SND1: variants seen among roughly 807,000 people sequenced by gnomAD.
SND1 encodes the protein staphylococcal nuclease and tudor domain containing 1.
In SND1, 38 loss-of-function variants were observed where a neutral mutation model predicts 121.7. That is an observed-to-expected ratio of 0.31 (90% CI 0.24 to 0.41). The LOEUF (loss-of-function observed/expected upper bound fraction) is 0.41, where lower values mean the gene tolerates loss of function less well. Among genes scored for constraint, SND1 ranks in the 10% least tolerant of loss-of-function variants. SND1 has a pLI of 1.00. For synonymous variants in SND1, 401 were observed against 447.4 expected (o/e 0.90, Z 1.31); for missense variants, 868 against 1,184.6 (o/e 0.73, Z 3.92).
At chr7:127,728,447 T>C (rs1334291753) in intron 10 of SND1, among the ~76,000 whole-genome samples, 1 of 152,248 alleles carries the variant, frequency 6.6e-6, no homozygotes, top group Non-Finnish European at 1.5e-5. Context: ...GCTTCCAGAG[T>C]TGTCAGCACC....
At chr7:128,022,143 T>A (rs761423831) in intron 16 of SND1, among the ~76,000 whole-genome samples, 9 of 137,514 alleles carry the variant, frequency 6.5e-5, no homozygotes, top group Non-Finnish European at 1.2e-4. Flanking sequence ...AGGCGGAGGT[T>A]GCAGTGAGCC....
At chr7:127,952,110 G>A (rs1205885254) in intron 15 of SND1, among the ~76,000 whole-genome samples, 2 of 152,120 alleles carry the variant, frequency 1.3e-5, no homozygotes, top group African/African-American at 4.8e-5. Context: ...TGAAGTTTTT[G>A]TGTTGCTTGT....
At chr7:127,891,302 A>G (rs1800005538) in intron 13 of SND1, among the ~76,000 whole-genome samples, 2 of 152,080 alleles carry the variant, frequency 1.3e-5, no homozygotes, top group African/African-American at 4.8e-5. Context: ...TGGCACAATC[A>G]TGACTCACTG....
intron 16 of SND1, among the ~76,000 whole-genome samples, chr7:128,004,901 G>T (rs1312640131): frequency 6.6e-6 from 1 of 152,178 alleles, no homozygotes; most frequent in Non-Finnish European, 1.5e-5. Flanking sequence ...CATGTCTTTT[G>T]CCCAGAGTGT....
At chr7:128,002,809 A>G (rs887977150) in intron 16 of SND1, among the ~76,000 whole-genome samples, 10 of 152,138 alleles carry the variant, frequency 6.6e-5, no homozygotes, top group Non-Finnish European at 1.5e-4. Context: ...GTGTCTCCAT[A>G]CTTTCCTACC....
At position 127,789,145 on chromosome 7, in the gene SND1, A is replaced by T. The variant is rs150350752; in HGVS notation, c.1153-18339A>T. On this transcript the variant is annotated intron_variant, in intron 10 of 23. Transcript: ENST00000354725. ...CTCTCTGCCTACTATCTACCCCTCCACCCTGCCCCCAGCAGTGAGTCTCTG... is the reference window on the plus strand; with the variant it reads ...CTCTCTGCCTACTATCTACCCCTCCTCCCTGCCCCCAGCAGTGAGTCTCTG... 3.4e-3 allele frequency among the ~76,000 whole-genome samples: 510 copies of T among 152,032 alleles called. 4 individuals carry two copies. Among genetic ancestry groups the T allele is most frequent in the African/African-American group, 0.012 (500 of 41,440 alleles).
intron 15 of SND1, among the ~76,000 whole-genome samples, chr7:127,941,290 T>C (rs1403642409): frequency 6.6e-6 from 1 of 152,178 alleles, no homozygotes; most frequent in East Asian, 1.9e-4. Context: ...CCCTGCAAGA[T>C]TAGCTTATAG....
chr7:128,081,570 C>T, intron 18 of SND1, 69 bp downstream of exon 18: 2 of 1,584,274 alleles, frequency 1.3e-6, no homozygotes, highest in Non-Finnish European at 1.7e-6. Context: ...GGGTAGGGGG[C>T]CTCTGCCCAG....
intron 17 of SND1, among the ~76,000 whole-genome samples, chr7:128,077,003 T>C (rs951098315): frequency 6.6e-6 from 1 of 152,172 alleles, no homozygotes; most frequent in Non-Finnish European, 1.5e-5. Flanking sequence ...TGGGCAGACC[T>C]GAGGACCAAG....
chr7:127,975,214 G>A lies in SND1; in HGVS notation c.1670-15733G>A, dbSNP rs779742943. Among the ~76,000 whole-genome samples, 85 of 152,264 alleles carry A rather than the reference G, an allele frequency of 5.6e-4. 1 individual carries two copies. Among genetic ancestry groups the A allele is most frequent in the Middle Eastern group, 6.8e-3 (2 of 294 alleles). ...AAATTTCCCTACAAGGACGTGCAGC[G>A]CATCGTTTTTCCATTAATTTAGGTG... On this transcript the variant is annotated intron_variant, in intron 15 of 23. Transcript: ENST00000354725.
intron 13 of SND1, among the ~76,000 whole-genome samples, chr7:127,895,895 C>T (rs968385478): frequency 1.3e-5 from 2 of 152,062 alleles, no homozygotes; most frequent in African/African-American, 4.8e-5. Context: ...TCCCTCCCCA[C>T]CCCTAGTTCC....
intron 11 of SND1, among the ~76,000 whole-genome samples, chr7:127,827,693 T>G (rs1004491813): frequency 1.3e-5 from 2 of 152,238 alleles, no homozygotes; most frequent in African/African-American, 4.8e-5. Context: ...AATCAAATAC[T>G]TATTAGATCT....
At chr7:127,771,590 T>C (rs1172354625) in intron 10 of SND1, among the ~76,000 whole-genome samples, 1 of 152,148 alleles carries the variant, frequency 6.6e-6, no homozygotes, top group African/African-American at 2.4e-5. Flanking sequence ...CTTAGGCTTA[T>C]TGGAGATATA....
chr7:127,842,762 T>C (rs1275098916), intron 11 of SND1, among the ~76,000 whole-genome samples: 1 of 152,156 alleles, frequency 6.6e-6, no homozygotes, highest in Non-Finnish European at 1.5e-5. Flanking sequence ...AAGCAATTCT[T>C]CTACCTGGGC....
At chr7:128,089,921 G>T (rs937215779) in intron 22 of SND1, 1 of 524,366 alleles carries the variant, frequency 1.9e-6, no homozygotes, top group Admixed American at 3.2e-5. Context: ...AAACTAGAGC[G>T]GAAAGCTTCC....
At chr7:127,792,622 G>A (rs1797932077) in intron 10 of SND1, among the ~76,000 whole-genome samples, 1 of 152,160 alleles carries the variant, frequency 6.6e-6, no homozygotes, top group Non-Finnish European at 1.5e-5. Flanking sequence ...AATTTAGAGG[G>A]AGACCATGTG....
intron 1 of SND1, among the ~76,000 whole-genome samples, chr7:127,671,518 A>G (rs1271733099): frequency 1.3e-5 from 2 of 151,990 alleles, no homozygotes; most frequent in African/African-American, 2.4e-5. Context: ...TTGTTTGGAG[A>G]TGGAGTCTTG....
intron 9 of SND1, among the ~76,000 whole-genome samples, chr7:127,715,164 GTT>G (rs55679351): frequency 2.5e-4 from 36 of 145,626 alleles, no homozygotes; most frequent in Middle Eastern, 3.5e-3. Flanking sequence ...TTTTGGTTTT[GTT>G]TTTTTTTTTT....
chr7:127,911,257 G>A (rs960543565), intron 14 of SND1, among the ~76,000 whole-genome samples: 44 of 152,362 alleles, frequency 2.9e-4, no homozygotes, highest in Admixed American at 2.4e-3. Flanking sequence ...CATCACCTCT[G>A]TGGCACACAA....
Sources: gnomAD v4.1 joint callset for allele counts (sites outside exome capture counted in the v4.1 genomes callset) on GRCh38, gnomAD v4.1.1 for gene constraint, MANE v1.5 for transcripts, NCBI Gene and HGNC (gene_info 2026-07-23, HGNC 2026-07-21) for gene names.